The following DNAH8 variants were observed in gnomAD, a reference collection of about 807,000 sequenced individuals.
DNAH8 encodes dynein axonemal heavy chain 8.
A neutral mutation model predicts 562.1 loss-of-function variants in DNAH8; 382 were observed. The observed-to-expected ratio is 0.68, with a 90% CI of 0.63 to 0.74. The LOEUF is 0.74. Among genes scored for constraint, DNAH8 ranks in the 30% least tolerant of loss-of-function variants. The pLI is 0.00. For synonymous variants in DNAH8, 1,881 were observed against 1,919.4 expected (o/e 0.98, Z 0.52); for missense variants, 5,203 against 5,620.4 (o/e 0.93, Z 2.37).
chr6:38,770,267 G>A, intron 11 of DNAH8, 146 bp from the exon 12 acceptor site: 3 of 485,696 alleles, frequency 6.2e-6, no homozygotes, highest in Non-Finnish European at 1.0e-5. Flanking sequence ...AGGTTGAAAT[G>A]AGGATGAAAA....
At chr6:38,871,751 G>A (rs547243862) in intron 49 of DNAH8, among the ~76,000 whole-genome samples, 1 of 152,022 alleles carries the variant, frequency 6.6e-6, no homozygotes, top group Non-Finnish European at 1.5e-5. Flanking sequence ...GTGTGTTTTC[G>A]CTTCTAATAG....
chr6:38,757,414 G>C (rs1766026541), intron 10 of DNAH8, among the ~76,000 whole-genome samples: 1 of 151,310 alleles, frequency 6.6e-6, no homozygotes, highest in Non-Finnish European at 1.5e-5. Flanking sequence ...GTAGATTCTG[G>C]ATATTAGCCC....
At position 38,982,402 on chromosome 6, in the gene DNAH8, T is replaced by C. The variant is rs747301761; in HGVS notation, c.12891T>C (p.Ala4297=). ...ATATTCCCTACGAATTCAATTCTGC[T>C]GACTTTTCAGCCAGTGTTCAGTTTA... The part of the protein sequence containing the change: ...GWNIPYEFNS[A]DFSASVQFIQ... Residue 4297 remains alanine, a synonymous_variant, in exon 86 of 93, where the codon GCT becomes GCC. Coordinates refer to ENST00000327475, the MANE Select transcript of DNAH8 (RefSeq NM_001206927.2). The C allele has an allele frequency of 1.9e-6, 3 of 1,612,894 alleles. No homozygotes were observed. The South Asian group carries it at 3.3e-5, about 18-fold the overall frequency.
In DNAH8 at chr6:38,908,062, A is replaced by G. The variant is rs1442918944; in HGVS notation, c.9455A>G (p.Tyr3152Cys). ...CATCCTCCTACCTTTGATAATTTGT[A>G]TGAATACTTCATTTCAAGATCAAGG... ...PRHPPTFDNLYEYFISRSRKN... is the reference protein window; with the variant it reads ...PRHPPTFDNLCEYFISRSRKN... Residue 3152 changes from tyrosine (Y) to cysteine (C), a missense_variant, in exon 64 of 93, where the codon TAT becomes TGT. By Grantham distance (194) the Tyr-to-Cys change is radical (BLOSUM62 -2). Coordinates refer to ENST00000327475, the MANE Select transcript of DNAH8 (RefSeq NM_001206927.2). 4 of 1,610,368 alleles carry G rather than the reference A, an allele frequency of 2.5e-6. No individual in the cohort carries two copies. The Admixed American group carries it at 5.0e-5, about 20-fold the overall frequency.
At position 38,805,533 on chromosome 6, in the gene DNAH8, T is replaced by G; in HGVS notation, c.3087T>G (p.Asn1029Lys). The stretch of plus-strand genomic sequence containing the variant: ...GTGAAACAGGAGAGGGTGAAAACAA[T>G]GACTATGAAGCTAATATTGTGAATG... The part of the protein sequence containing the change: ...FGSETGEGEN[N>K]DYEANIVNEF... The change falls in exon 23 of 93, where the codon AAT becomes AAG. Residue 1029 changes from asparagine to lysine, a missense_variant. Physicochemically the swap from Asn to Lys is moderately conservative, Grantham distance 94. Around this residue, in one of 6 missense-constraint regions of DNAH8, gnomAD observed 2,176 missense variants for 2,365.1 expected, o/e 0.92. Coordinates refer to ENST00000327475, the MANE Select transcript of DNAH8 (RefSeq NM_001206927.2). The G allele has an allele frequency of 6.2e-7, 1 of 1,610,672 alleles. No individual in the cohort carries two copies. Among genetic ancestry groups the G allele is most frequent in the Non-Finnish European group, 8.5e-7 (1 of 1,177,224 alleles).
At chr6:38,775,660 T>C in intron 12 of DNAH8, 94 bp from the exon 13 acceptor site, 1 of 759,966 alleles carries the variant, frequency 1.3e-6, no homozygotes, top group Non-Finnish European at 2.1e-6. Flanking sequence ...GTTTAATGGT[T>C]TGTGTTTTAT....
chr6:38,778,215 C>T (rs1008967100), intron 13 of DNAH8, among the ~76,000 whole-genome samples, 173 bp from the exon 14 acceptor site: 18 of 152,160 alleles, frequency 1.2e-4, no homozygotes, highest in Non-Finnish European at 2.5e-4. Flanking sequence ...TGCTCAGTAG[C>T]CACATGTGGC....
chr6:38,883,850 A>T (rs763256847), intron 55 of DNAH8, 26 bp from the exon 56 acceptor site: 1 of 1,516,568 alleles, frequency 6.6e-7, no homozygotes, highest in Non-Finnish European at 8.8e-7. Context: ...TCTAATGCAT[A>T]AGACAAAACG....
chr6:38,999,605 G>T (rs2150748345), intron 88 of DNAH8, among the ~76,000 whole-genome samples: 1 of 152,056 alleles, frequency 6.6e-6, no homozygotes, highest in Non-Finnish European at 1.5e-5. Context: ...TGGCACAAAA[G>T]GCATTTGCAA....
At position 38,782,999 on chromosome 6, in the gene DNAH8, A is replaced by T; in HGVS notation, c.2260-5A>T. The T allele has an allele frequency of 6.2e-7, 1 of 1,608,778 alleles. No individual in the cohort carries two copies. Among genetic ancestry groups the T allele is most frequent in the Non-Finnish European group, 8.5e-7 (1 of 1,178,430 alleles). The stretch of plus-strand genomic sequence containing the variant: ...TAAAGTAAATCTTTTCCCTTAAAAA[A>T]ACAGAAAAACTCAGACATTTTATCA... On this transcript the variant is annotated splice_region_variant and splice_polypyrimidine_tract_variant and intron_variant, in intron 16 of 92. Coordinates refer to ENST00000327475, the MANE Select transcript of DNAH8 (RefSeq NM_001206927.2).
At chr6:38,801,288 A>G (rs867498029) in intron 21 of DNAH8, among the ~76,000 whole-genome samples, 1 of 152,312 alleles carries the variant, frequency 6.6e-6, no homozygotes, top group South Asian at 2.1e-4. Flanking sequence ...TTGTCCCAGT[A>G]CCAGTTGTTA....
intron 53 of DNAH8, among the ~76,000 whole-genome samples, chr6:38,877,293 G>A (rs561166587): frequency 6.6e-6 from 1 of 152,300 alleles, no homozygotes; most frequent in African/African-American, 2.4e-5. Context: ...ACCTTCCTCT[G>A]TGCCATCAAA....
intron 32 of DNAH8, among the ~76,000 whole-genome samples, chr6:38,836,972 T>C (rs1774357451): frequency 6.6e-6 from 1 of 152,228 alleles, no homozygotes; most frequent in South Asian, 2.1e-4. Context: ...TTTAATGTAT[T>C]CTAACTTTAG....
chr6:38,948,609 C>T (rs1387237166), intron 80 of DNAH8, among the ~76,000 whole-genome samples: 2 of 152,286 alleles, frequency 1.3e-5, no homozygotes, highest in African/African-American at 2.4e-5. Flanking sequence ...AAAGTGCTTA[C>T]AGGCATGAGC....
At position 38,951,531 on chromosome 6, in the gene DNAH8, C is replaced by T. The variant is rs1345545774; in HGVS notation, c.12451+11C>T. On this transcript the variant is annotated intron_variant, in intron 82 of 92. Transcript: ENST00000327475. ...AGAAACTGAAACTGGGTAAGACTAG[C>T]AATCTACAAAATGTAGCAACACTTC... The T allele has an allele frequency of 2.5e-6, 4 of 1,603,482 alleles. No individual in the cohort carries two copies. The highest frequency in any genetic ancestry group is 3.4e-6 in the Non-Finnish European group (4 of 1,173,494).
chr6:38,972,555 G>T (rs150326408), intron 83 of DNAH8, among the ~76,000 whole-genome samples: 48 of 150,654 alleles, frequency 3.2e-4, no homozygotes, highest in African/African-American at 1.1e-3. Flanking sequence ...TTTAACTTTG[G>T]GCCTTAAATA....
chr6:38,821,105 C>G (rs1772790058), intron 26 of DNAH8, among the ~76,000 whole-genome samples: 1 of 152,076 alleles, frequency 6.6e-6, no homozygotes, highest in Non-Finnish European at 1.5e-5. Context: ...AATCAACCCT[C>G]ACACACACAA....
intron 85 of DNAH8, among the ~76,000 whole-genome samples, chr6:38,974,955 A>T (rs368881197): frequency 3.3e-4 from 50 of 152,332 alleles, no homozygotes; most frequent in African/African-American, 1.1e-3. Flanking sequence ...TCAAGATAGG[A>T]TTATCACCAT....
intron 29 of DNAH8, among the ~76,000 whole-genome samples, chr6:38,827,874 C>G (rs1244010341): frequency 6.7e-6 from 1 of 149,652 alleles, no homozygotes; most frequent in Non-Finnish European, 1.5e-5. Context: ...GTATAGTCAA[C>G]CCCTGTTTTA....
Sources: gnomAD v4.1 joint callset for allele counts (sites outside exome capture counted in the v4.1 genomes callset) on GRCh38, gnomAD v4.1.1 for gene constraint, gnomAD v4.1.1 regional missense constraint, MANE v1.5 for transcripts, NCBI Gene and HGNC (gene_info 2026-07-23, HGNC 2026-07-21) for gene names.